Variants in FYB2 observed in about 807,000 individuals in gnomAD.
The protein encoded by FYB2 is FYN binding protein 2.
In FYB2, 103 loss-of-function variants were observed where a neutral mutation model predicts 94.1. The ratio of observed to expected loss-of-function variants is 1.09; its 90% CI spans 0.93 to 1.29. The LOEUF (loss-of-function observed/expected upper bound fraction) is 1.29. Among genes scored for constraint, FYB2 ranks in the 50% most tolerant of loss-of-function variants. FYB2 has a pLI of 0.00. For synonymous variants in FYB2, 293 were observed against 287.9 expected, an observed-to-expected ratio of 1.02 and a Z score of -0.18; for missense variants, 896 against 841.5, an observed-to-expected ratio of 1.06 and a Z score of -0.80.
chr1:56,792,878 A>G (rs576378686), intron 1 of FYB2, 75 bp from the exon 2 acceptor site: 1 of 1,436,502 alleles, frequency 7.0e-7, no homozygotes, highest in South Asian at 1.3e-5. Flanking sequence ...CAAGTGTCTC[A>G]TTATTCCAAG....
chr1:56,739,769 G>C (rs184088741), intron 13 of FYB2, among the ~76,000 whole-genome samples: 28 of 152,156 alleles, frequency 1.8e-4, no homozygotes, highest in African/African-American at 6.7e-4. Flanking sequence ...ACTTTTTATA[G>C]ACAGGCTTTG....
intron 1 of FYB2, among the ~76,000 whole-genome samples, chr1:56,793,221 T>A (rs1220074236): frequency 6.6e-6 from 1 of 152,162 alleles, no homozygotes; most frequent in Non-Finnish European, 1.5e-5. Context: ...GGTGGTGGAA[T>A]TATGATCTCC....
intron 1 of FYB2, among the ~76,000 whole-genome samples, chr1:56,807,294 A>G (rs1182241410): frequency 6.6e-6 from 1 of 152,206 alleles, no homozygotes; most frequent in African/African-American, 2.4e-5. Context: ...GCTATGATGT[A>G]AACTCCTCAG....
At chr1:56,824,807 G>A in the FYB2 span, 1 of 152,264 alleles carries the variant, frequency 6.6e-6, no homozygotes, top group African/African-American at 2.4e-5. Flanking sequence ...CCAAGAGCTG[G>A]TGTGACAGCT....
At chr1:56,722,111 T>G (rs116649209) in intron 17 of FYB2, among the ~76,000 whole-genome samples, 1,827 of 152,232 alleles carry the variant, frequency 0.012, 34 homozygotes, top group African/African-American at 0.042. Context: ...AAGGGTCTTT[T>G]CAACAAGTAA....
intron 1 of FYB2, 144 bp downstream of exon 1, chr1:56,819,138 G>T: frequency 2.0e-6 from 1 of 508,248 alleles, no homozygotes; most frequent in Non-Finnish European, 3.7e-6. Flanking sequence ...GAGCAGAAAT[G>T]CACTGGCTGA....
chr1:56,816,290 G>A (rs920979178), intron 1 of FYB2, among the ~76,000 whole-genome samples: 3 of 152,154 alleles, frequency 2.0e-5, no homozygotes, highest in African/African-American at 7.2e-5. Context: ...ACTGATTTTA[G>A]TCTTGCAGGA....
intron 4 of FYB2, among the ~76,000 whole-genome samples, chr1:56,779,340 G>A (rs529114568): frequency 2.2e-4 from 34 of 152,136 alleles, no homozygotes; most frequent in African/African-American, 6.3e-4. Flanking sequence ...AGAAAGGAGC[G>A]TGCCTCTCAT....
Position 56,737,081 on chromosome 1 carries a change from AC to A in FYB2, c.1793+5del. Reference sequence around the variant, plus strand: ...GCAGGGATGACCAATAAGGTAAATTACTTACTTTGACTCTTTTTCACTCAGG... The same window carrying A: ...GCAGGGATGACCAATAAGGTAAATTATTACTTTGACTCTTTTTCACTCAGG... On this transcript the variant is annotated splice_donor_5th_base_variant and intron_variant, in intron 15 of 19. Transcript: ENST00000343433. 2 of 1,588,016 alleles carry A rather than the reference AC, an allele frequency of 1.3e-6. No homozygotes were observed. Among genetic ancestry groups the A allele is most frequent in the Non-Finnish European group, 1.7e-6 (2 of 1,159,130 alleles).
chr1:56,742,927 T>C (rs940519911), intron 11 of FYB2, among the ~76,000 whole-genome samples: 2 of 152,040 alleles, frequency 1.3e-5, no homozygotes, highest in Non-Finnish European at 2.9e-5. Context: ...TTGCTTTTTC[T>C]TTTTCTAAAA....
intron 15 of FYB2, among the ~76,000 whole-genome samples, chr1:56,729,300 G>T (rs1569867908): frequency 6.6e-6 from 1 of 152,084 alleles, no homozygotes; most frequent in Non-Finnish European, 1.5e-5. Context: ...AGACTGAATT[G>T]TGGCTGTGCA....
chr1:56,728,589 A>G (rs943096715), intron 15 of FYB2, among the ~76,000 whole-genome samples: 1 of 152,116 alleles, frequency 6.6e-6, no homozygotes, highest in African/African-American at 2.4e-5. Flanking sequence ...TGAAATCTGA[A>G]TTCAATTTTA....
At chr1:56,752,873 C>T (rs752524899) in intron 8 of FYB2, among the ~76,000 whole-genome samples, 2 of 152,114 alleles carry the variant, frequency 1.3e-5, no homozygotes, top group Non-Finnish European at 2.9e-5. Flanking sequence ...CTCTCCTGCC[C>T]TCTCATATGC....
At chr1:56,777,788 C>T (rs1314326066) in intron 4 of FYB2, among the ~76,000 whole-genome samples, 3 of 152,074 alleles carry the variant, frequency 2.0e-5, no homozygotes, top group Admixed American at 6.6e-5. Flanking sequence ...TTATCACCAA[C>T]ATCCTCTGTG....
Position 56,755,919 on chromosome 1 carries a change from C to A in FYB2, c.1107G>T (p.Lys369Asn), listed in dbSNP as rs750466794. 103 of 1,609,202 alleles carry A rather than the reference C, an allele frequency of 6.4e-5. 1 individual carries two copies. The highest frequency in any genetic ancestry group is 1.7e-4 in the Middle Eastern group (1 of 6,060). ...VGIEELQKPG[K>N]NFPYPEPSAK... Reference sequence around the variant, plus strand: ...ACCTAGGTTCTGGATAGGGAAAATTCTTCCCAGGCTGAAAGTAAAGTGGAA... The same window carrying A: ...ACCTAGGTTCTGGATAGGGAAAATTATTCCCAGGCTGAAAGTAAAGTGGAA... Residue 369 changes from lysine to asparagine, a missense_variant, in exon 7 of 20, where the codon AAG becomes AAT. Transcript: ENST00000343433.
At chr1:56,810,541 T>C (rs1470018824) in intron 1 of FYB2, among the ~76,000 whole-genome samples, 1 of 152,178 alleles carries the variant, frequency 6.6e-6, no homozygotes, top group African/African-American at 2.4e-5. Flanking sequence ...GGCTACCTTT[T>C]TCTCTCAGCA....
At chr1:56,797,179 A>G (rs4142211) in intron 1 of FYB2, among the ~76,000 whole-genome samples, 29,744 of 152,062 alleles carry the variant, frequency 0.2, 3,695 homozygotes, top group South Asian at 0.28. Flanking sequence ...AGAAGGCACA[A>G]TCTTGGAAAC....
At chr1:56,777,551 C>CA (rs1424023548) in intron 4 of FYB2, among the ~76,000 whole-genome samples, 1 of 152,118 alleles carries the variant, frequency 6.6e-6, no homozygotes, top group Non-Finnish European at 1.5e-5. Context: ...CAGAAAATCA[C>CA]AAAAATAGAC....
chr1:56,747,869 G>A (rs890891037), intron 9 of FYB2, among the ~76,000 whole-genome samples: 1 of 152,140 alleles, frequency 6.6e-6, no homozygotes, highest in Non-Finnish European at 1.5e-5. Flanking sequence ...CTGACCAACA[G>A]TGTAAAAGCA....
Sources: allele counts gnomAD v4.1 joint callset (sites outside exome capture counted in the v4.1 genomes callset), GRCh38; gene constraint gnomAD v4.1.1; transcripts MANE v1.5; gene names NCBI Gene and HGNC (gene_info 2026-07-23, HGNC 2026-07-21).